The following PUM3 variants were observed in gnomAD, a reference collection of about 807,000 sequenced individuals.
PUM3 encodes pumilio RNA binding family member 3.
Under a neutral mutation model 84.0 loss-of-function variants are expected in PUM3, and 91 were observed. That is an observed-to-expected ratio of 1.08 (90% CI 0.91 to 1.29). PUM3 has a LOEUF of 1.29. Among genes scored for constraint, PUM3 ranks in the 50% most tolerant of loss-of-function variants. The probability of loss-of-function intolerance (pLI) is 0.00; values close to 1 mark genes in which losing one functional copy is unlikely to be tolerated. For synonymous variants in PUM3, 321 were observed against 266.7 expected (o/e 1.20, Z -1.98); for missense variants, 1,067 against 767.5 (o/e 1.39, Z -4.61).
rs376503054 is a variant in PUM3 at position 2,807,088 on chromosome 9, G to A, written c.1814+726C>T. Among the ~76,000 whole-genome samples the A allele has an allele frequency of 5.9e-5, 9 of 152,130 alleles. No individual in the cohort carries two copies. The East Asian group carries it at 9.7e-4, about 16-fold the overall frequency. On this transcript the variant is annotated intron_variant, in intron 17 of 17. Transcript: ENST00000397885. ...CTGGGCGTGGTGGCGGGCACCTGCC[G>A]TTCCAGCTACTCAGGAGGCTGAGGC...
At chr9:2,824,898 G>C (rs1004554115) in intron 10 of PUM3, 83 bp from the exon 11 acceptor site, 26 of 872,210 alleles carry the variant, frequency 3.0e-5, no homozygotes, top group Middle Eastern at 2.3e-4. Flanking sequence ...ACAGGGGGCA[G>C]TTATGCAGAG....
intron 1 of PUM3, among the ~76,000 whole-genome samples, chr9:2,841,472 G>C (rs182601781): frequency 6.6e-6 from 1 of 152,252 alleles, no homozygotes; most frequent in East Asian, 1.9e-4. Context: ...GGGGGCTGAG[G>C]CAGGAAAATC....
intron 9 of PUM3, among the ~76,000 whole-genome samples, chr9:2,827,434 T>C (rs1341007204): frequency 6.6e-6 from 1 of 152,214 alleles, no homozygotes; most frequent in Non-Finnish European, 1.5e-5. Flanking sequence ...TCTGCTCTAT[T>C]AAATAAGGAC....
At chr9:2,834,227 C>G in intron 3 of PUM3, 61 bp from the exon 4 acceptor site, 1 of 1,458,910 alleles carries the variant, frequency 6.9e-7, no homozygotes, top group Non-Finnish European at 9.4e-7. Flanking sequence ...TACACCAATA[C>G]AAATTAGGTA....
At position 2,807,924 on chromosome 9, in the gene PUM3, T is replaced by G. The variant is rs146323031; in HGVS notation, c.1724-20A>C. On this transcript the variant is annotated intron_variant, in intron 16 of 17. Transcript: ENST00000397885. Reference sequence around the variant, plus strand: ...AACAACCTGTAAAATATACTGAAGCTTAGTGAACATCACATAATAAGATAT... The same window carrying G: ...AACAACCTGTAAAATATACTGAAGCGTAGTGAACATCACATAATAAGATAT... The G allele has an allele frequency of 4.2e-4, 613 of 1,466,922 alleles. 1 individual carries two copies. In the African/African-American group the frequency reaches 7.7e-3, roughly 18 times the overall value. 90.9% of individuals were successfully genotyped at this position (1,466,922 alleles called of 1,614,324 possible). A position where few individuals can be genotyped will look rare whatever the true frequency, so the allele number is the denominator to read the frequency against.
At chr9:2,825,182 C>T (rs917475470) in intron 10 of PUM3, among the ~76,000 whole-genome samples, 8 of 151,952 alleles carry the variant, frequency 5.3e-5, no homozygotes, top group Non-Finnish European at 1.2e-4. Flanking sequence ...AACAGAATAG[C>T]GAGACAAAGA....
chr9:2,829,901 A>T lies in PUM3; in HGVS notation c.725T>A (p.Val242Glu). Residue 242 changes from valine to glutamate, a missense_variant, in exon 8 of 18, where the codon GTG (valine) becomes GAG (glutamate). Coordinates refer to ENST00000397885, the MANE Select transcript of PUM3 (RefSeq NM_014878.5). ...AEIIRSFKGH[V>E]RKMLRHAEAS... Reference sequence around the variant, plus strand: ...TTCCGCATGCCGCAGCATCTTCCTCACGTGGCCTTTAAAACTTCTGATTAT... The same window carrying T: ...TTCCGCATGCCGCAGCATCTTCCTCTCGTGGCCTTTAAAACTTCTGATTAT... 1.9e-6 allele frequency: 3 copies of T among 1,613,954 alleles called. No individual in the cohort carries two copies. Among genetic ancestry groups the T allele is most frequent in the Non-Finnish European group, 1.7e-6 (2 of 1,179,850 alleles).
intron 3 of PUM3, among the ~76,000 whole-genome samples, chr9:2,834,429 G>C (rs1398708819): frequency 6.6e-6 from 1 of 152,104 alleles, no homozygotes; most frequent in East Asian, 1.9e-4. Context: ...AATTACAAAA[G>C]TAACTAGAAT....
chr9:2,843,663 C>T (rs368685907), intron 1 of PUM3, among the ~76,000 whole-genome samples: 2 of 149,562 alleles, frequency 1.3e-5, no homozygotes, highest in East Asian at 3.9e-4. Context: ...ACTGCAAGCT[C>T]CGCCTCCCGG....
At chr9:2,834,339 T>A (rs1311326705) in intron 3 of PUM3, among the ~76,000 whole-genome samples, 173 bp from the exon 4 acceptor site, 1 of 152,232 alleles carries the variant, frequency 6.6e-6, no homozygotes, top group Non-Finnish European at 1.5e-5. Context: ...GAGCAGTTTG[T>A]ACATTTTACA....
chr9:2,809,010 T>C (rs73394623), intron 16 of PUM3, among the ~76,000 whole-genome samples: 2,037 of 152,272 alleles, frequency 0.013, 45 homozygotes, highest in African/African-American at 0.047. Flanking sequence ...ACTGAGGCTG[T>C]TGGTCCCCAG....
intron 3 of PUM3, 79 bp downstream of exon 3, chr9:2,837,101 G>C: frequency 1.7e-6 from 2 of 1,198,296 alleles, no homozygotes; most frequent in East Asian, 2.3e-5. Flanking sequence ...ATAAGAATGT[G>C]AGGTTTCTAA....
chr9:2,824,381 A>C (rs957881718), intron 11 of PUM3, among the ~76,000 whole-genome samples: 1 of 152,044 alleles, frequency 6.6e-6, no homozygotes, highest in East Asian at 1.9e-4. Flanking sequence ...ATCTCTTCCC[A>C]TTTTCCCCTG....
intron 9 of PUM3, 77 bp from the exon 10 acceptor site, chr9:2,827,228 T>A: frequency 1.0e-6 from 1 of 956,186 alleles, no homozygotes; most frequent in Non-Finnish European, 1.6e-6. Context: ...AATCTCAAAG[T>A]CCTAAAGTAA....
rs77215934 is a variant in PUM3 at position 2,832,414 on chromosome 9, C to G, written c.516+943G>C. 9.6e-3 allele frequency among the ~76,000 whole-genome samples: 1,464 copies of G among 152,200 alleles called. 19 individuals carry two copies. Among genetic ancestry groups the G allele is most frequent in the Middle Eastern group, 0.037 (11 of 294 alleles). ...TCCCAGATACATCAAATATACAACA[C>G]GGATGATGACATACAGTAAACGACA... is the stretch of plus-strand genomic sequence containing the variant. On this transcript the variant is annotated intron_variant, in intron 5 of 17. Transcript: ENST00000397885.
intron 13 of PUM3, among the ~76,000 whole-genome samples, chr9:2,817,582 GTAAAA>G (rs1166653548): frequency 1.3e-5 from 2 of 152,076 alleles, no homozygotes; most frequent in Non-Finnish European, 2.9e-5. Flanking sequence ...TTGCAAACAT[GTAAAA>G]TAAAATTAGA....
chr9:2,838,585 T>A (rs372574840), intron 1 of PUM3, 68 bp from the exon 2 acceptor site: 52 of 928,094 alleles, frequency 5.6e-5, no homozygotes, highest in Non-Finnish European at 8.7e-5. Flanking sequence ...AGCTGTTTCA[T>A]AGTCATTGCC....
At chr9:2,835,214 A>G (rs1309934065) in intron 3 of PUM3, among the ~76,000 whole-genome samples, 1 of 152,158 alleles carries the variant, frequency 6.6e-6, no homozygotes, top group East Asian at 1.9e-4. Context: ...GGAGTTTGAG[A>G]TCAGCCTGGG....
chr9:2,830,848 C>A (rs995305250), intron 7 of PUM3, 114 bp downstream of exon 7: 57 of 636,904 alleles, frequency 8.9e-5, no homozygotes, highest in Non-Finnish European at 9.0e-5. Context: ...CTGCTGAGAG[C>A]CATTACTATT....
Sources: gnomAD v4.1 joint callset for allele counts (sites outside exome capture counted in the v4.1 genomes callset) on GRCh38, gnomAD v4.1.1 for gene constraint, MANE v1.5 for transcripts, NCBI Gene and HGNC (gene_info 2026-07-23, HGNC 2026-07-21) for gene names.